Variants in FRMD4A observed in about 807,000 individuals in gnomAD.
The protein encoded by FRMD4A is FERM domain containing 4A, also known as FERM domain-containing protein 4A.
A neutral mutation model predicts 129.1 loss-of-function variants in FRMD4A; 29 were observed. The observed-to-expected ratio is 0.22, with a 90% CI of 0.17 to 0.31. FRMD4A has a LOEUF of 0.31. FRMD4A is among the 10% of genes least tolerant of loss of function. FRMD4A has a pLI of 1.00. For missense variants in FRMD4A, 1,272 were observed against 1,375.8 expected (o/e 0.92, Z 1.19); for synonymous variants, 634 against 571.6 (o/e 1.11, Z -1.56).
chr10:14,259,724 G>A (rs1343176620), intron 2 of FRMD4A, among the ~76,000 whole-genome samples: 1 of 152,120 alleles, frequency 6.6e-6, no homozygotes, highest in African/African-American at 2.4e-5. Flanking sequence ...ACAAAGAGTT[G>A]GTTGCACCTT....
At chr10:14,070,652 G>A (rs1835275392) in intron 2 of FRMD4A, among the ~76,000 whole-genome samples, 1 of 152,114 alleles carries the variant, frequency 6.6e-6, no homozygotes, top group Non-Finnish European at 1.5e-5. Context: ...TATCTATGTT[G>A]TAGTACTATT....
At chr10:13,937,946 C>A (rs921394441) in intron 2 of FRMD4A, among the ~76,000 whole-genome samples, 9 of 152,132 alleles carry the variant, frequency 5.9e-5, no homozygotes, top group African/African-American at 2.2e-4. Flanking sequence ...AAATAAACTT[C>A]TTGTGAAAAA....
chr10:13,694,217 T>C (rs1476176689), intron 14 of FRMD4A, among the ~76,000 whole-genome samples, 178 bp from the exon 15 acceptor site: 1 of 152,228 alleles, frequency 6.6e-6, no homozygotes, highest in Non-Finnish European at 1.5e-5. Flanking sequence ...CGAAACTCTC[T>C]GCGAAGAGCA....
At chr10:13,748,244 C>A (rs984972005) in intron 8 of FRMD4A, among the ~76,000 whole-genome samples, 1 of 152,192 alleles carries the variant, frequency 6.6e-6, no homozygotes, top group Admixed American at 6.5e-5. Flanking sequence ...TGGGCAATGG[C>A]GCCACTGTCT....
chr10:14,213,260 TAAAC>T (rs1020528316), intron 2 of FRMD4A, among the ~76,000 whole-genome samples: 1 of 152,086 alleles, frequency 6.6e-6, no homozygotes, highest in African/African-American at 2.4e-5. Context: ...AATAAATAAA[TAAAC>T]AAATAAATAA....
chr10:14,219,716 G>T (rs565496799), intron 2 of FRMD4A, among the ~76,000 whole-genome samples: 1 of 152,282 alleles, frequency 6.6e-6, no homozygotes, highest in East Asian at 1.9e-4. Context: ...AGGGACTGGG[G>T]AACTTCAGAA....
chr10:13,930,173 T>C (rs942954444), intron 2 of FRMD4A, among the ~76,000 whole-genome samples: 14 of 152,208 alleles, frequency 9.2e-5, no homozygotes, highest in African/African-American at 3.4e-4. Context: ...TATGTATTTG[T>C]GGAGGACTTC....
intron 2 of FRMD4A, among the ~76,000 whole-genome samples, chr10:14,059,185 T>A (rs963141949): frequency 6.6e-6 from 1 of 152,204 alleles, no homozygotes; most frequent in African/African-American, 2.4e-5. Flanking sequence ...AATATTTGTA[T>A]GTAAATAAAA....
intron 8 of FRMD4A, among the ~76,000 whole-genome samples, chr10:13,749,766 A>G (rs909682629): frequency 3.9e-5 from 6 of 151,942 alleles, no homozygotes. Context: ...AAGTGGGAGG[A>G]TCACTTCAGT....
At chr10:13,738,085 T>C (rs531358013) in intron 11 of FRMD4A, among the ~76,000 whole-genome samples, 155 bp from the exon 12 acceptor site, 426 of 152,278 alleles carry the variant, frequency 2.8e-3, no homozygotes, top group Admixed American at 7.3e-3. Flanking sequence ...AACAGATGCG[T>C]CTGTCATTGA....
intron 2 of FRMD4A, among the ~76,000 whole-genome samples, chr10:13,930,749 C>A (rs79336106): frequency 7.5e-4 from 114 of 152,178 alleles, no homozygotes; most frequent in African/African-American, 2.7e-3. Flanking sequence ...GGCAAAAGAG[C>A]CTTTAATTGC....
At chr10:14,088,059 T>G (rs1289733538) in intron 2 of FRMD4A, among the ~76,000 whole-genome samples, 1 of 152,160 alleles carries the variant, frequency 6.6e-6, no homozygotes, top group Non-Finnish European at 1.5e-5. Flanking sequence ...CTACTTTACT[T>G]AGGAATGTAG....
intron 2 of FRMD4A, among the ~76,000 whole-genome samples, chr10:14,268,816 A>T (rs181419452): frequency 2.0e-5 from 3 of 150,660 alleles, no homozygotes; most frequent in African/African-American, 7.3e-5. Context: ...CTATGTGAAA[A>T]CTCCCAGGGA....
intron 3 of FRMD4A, among the ~76,000 whole-genome samples, chr10:13,858,409 T>C (rs1475951141): frequency 6.6e-6 from 1 of 152,202 alleles, no homozygotes; most frequent in Non-Finnish European, 1.5e-5. Flanking sequence ...CACTTCAGTC[T>C]GGGCAACAAG....
intron 16 of FRMD4A, 21 bp from the exon 17 acceptor site, chr10:13,670,549 T>C (rs768466171): frequency 2.9e-5 from 47 of 1,610,236 alleles, no homozygotes; most frequent in Non-Finnish European, 1.2e-5. Context: ...GAAATGGCAT[T>C]CGGAGTGAGC....
At chr10:13,878,994 TA>T (rs1475360020) in intron 2 of FRMD4A, among the ~76,000 whole-genome samples, 1 of 152,186 alleles carries the variant, frequency 6.6e-6, no homozygotes, top group Non-Finnish European at 1.5e-5. Flanking sequence ...AATGATTGAC[TA>T]AAAGTATAAA....
At chr10:13,905,357 CT>C (rs2094871118) in intron 2 of FRMD4A, among the ~76,000 whole-genome samples, 1 of 152,136 alleles carries the variant, frequency 6.6e-6, no homozygotes, top group African/African-American at 2.4e-5. Context: ...AAGGTTCTTC[CT>C]TTGTTCATGT....
At chr10:13,863,794 T>C (rs1028467269) in intron 2 of FRMD4A, among the ~76,000 whole-genome samples, 1 of 151,890 alleles carries the variant, frequency 6.6e-6, no homozygotes, top group African/African-American at 2.4e-5. Flanking sequence ...AGAAACTTTA[T>C]CTAGAAAGAT....
chr10:13,942,566 A>G (rs2095300664), intron 2 of FRMD4A, among the ~76,000 whole-genome samples: 1 of 152,240 alleles, frequency 6.6e-6, no homozygotes, highest in Non-Finnish European at 1.5e-5. Flanking sequence ...GAATTGTTTT[A>G]CATCATTTTA....
Sources: allele counts gnomAD v4.1 joint callset (sites outside exome capture counted in the v4.1 genomes callset), GRCh38; gene constraint gnomAD v4.1.1; transcripts MANE v1.5; gene names NCBI Gene and HGNC (gene_info 2026-07-23, HGNC 2026-07-21).